The following PGM2L1 variants were observed in gnomAD, a reference collection of about 807,000 sequenced individuals.
The protein encoded by PGM2L1 is glucose 1,6-bisphosphate synthase.
PGM2L1 carries 35 observed loss-of-function variants against 73.4 expected under a neutral mutation model. That is an observed-to-expected ratio of 0.48 (90% CI 0.36 to 0.63). The LOEUF is 0.63. PGM2L1 is among the 30% of genes least tolerant of loss of function. The pLI is 0.00. For missense variants in PGM2L1, 570 were observed against 742.0 expected, an observed-to-expected ratio of 0.77 and a Z score of 2.69; for synonymous variants, 225 against 253.8, an observed-to-expected ratio of 0.89 and a Z score of 1.08.
chr11:74,338,719 C>T (rs1352636716), intron 12 of PGM2L1, 118 bp from the exon 13 acceptor site: 1 of 1,263,178 alleles, frequency 7.9e-7, no homozygotes, highest in Non-Finnish European at 1.1e-6. Context: ...GTCAAATTTA[C>T]AGAAATAGAA....
rs535526031 is a variant in PGM2L1 at position 74,353,182 on chromosome 11, T to G, written c.556-1606A>C. On this transcript the variant is annotated intron_variant, in intron 5 of 13. Transcript: ENST00000298198. ...CAAACAAAAAACCCAGAATGTTTTT[T>G]TGTGTGTGTGTGTGTTGTATTGAAT... Among the ~76,000 whole-genome samples the G allele has an allele frequency of 1.9e-3, 285 of 151,696 alleles. 3 individuals carry two copies. The highest frequency in any genetic ancestry group is 1.6e-3 in the African/African-American group (65 of 41,456).
At chr11:74,396,266 TAAAAA>T (rs141051355) in intron 1 of PGM2L1, among the ~76,000 whole-genome samples, 1 of 139,586 alleles carries the variant, frequency 7.2e-6, no homozygotes. Context: ...AGACCCTGTT[TAAAAA>T]AAAAAAAAAA....
intron 2 of PGM2L1, among the ~76,000 whole-genome samples, chr11:74,372,310 A>G (rs936434297): frequency 6.6e-6 from 1 of 152,196 alleles, no homozygotes; most frequent in Non-Finnish European, 1.5e-5. Context: ...TCACTAGAAC[A>G]TTTCTTATGA....
intron 5 of PGM2L1, chr11:74,355,326 G>C (rs1303712954): frequency 1.4e-6 from 1 of 737,982 alleles, no homozygotes; most frequent in African/African-American, 1.7e-5. Context: ...GGCTGAGGTG[G>C]GTGGATCACC....
intron 1 of PGM2L1, among the ~76,000 whole-genome samples, chr11:74,396,500 C>T: frequency 6.6e-6 from 1 of 152,002 alleles, no homozygotes; most frequent in Non-Finnish European, 1.5e-5. Flanking sequence ...CTGCAAGCTC[C>T]GCCTCCCGGG....
Position 74,374,501 on chromosome 11 carries a change from T to C in PGM2L1, c.193A>G (p.Met65Val). 2 of 1,614,166 alleles carry C rather than the reference T, an allele frequency of 1.2e-6. No individual in the cohort carries two copies. Among genetic ancestry groups the C allele is most frequent in the Non-Finnish European group, 1.7e-6 (2 of 1,179,998 alleles). The part of the protein sequence containing the change: ...KELRDRLCCR[M>V]TFGTAGLRSA... ...CGAAGTCCTGCAGTCCCAAAAGTCA[T>C]TCGGCAACAAAGACGATCTCGCAGC... The change falls in exon 2 of 14, where the codon ATG becomes GTG. Residue 65 changes from methionine (M) to valine (V), a missense_variant. Physicochemically the swap from Met to Val is conservative, Grantham distance 21. Transcript: ENST00000298198.
chr11:74,343,261 T>A, intron 10 of PGM2L1, 62 bp downstream of exon 10: 1 of 1,508,328 alleles, frequency 6.6e-7, no homozygotes, highest in Non-Finnish European at 8.8e-7. Context: ...AAACTCCTCC[T>A]ACAGAATTAC....
chr11:74,343,465 C>A, intron 9 of PGM2L1, 49 bp from the exon 10 acceptor site: 1 of 1,581,640 alleles, frequency 6.3e-7, no homozygotes, highest in Admixed American at 2.0e-5. Context: ...CTCACAAATA[C>A]CTATTAGAGA....
chr11:74,356,715 G>A (rs1325591684), intron 5 of PGM2L1, among the ~76,000 whole-genome samples: 8 of 152,140 alleles, frequency 5.3e-5, no homozygotes, highest in Non-Finnish European at 1.0e-4. Flanking sequence ...CATATGAAGA[G>A]TTCCCATAAA....
At chr11:74,398,027 T>C in intron 1 of PGM2L1, 24 bp downstream of exon 1, 2 of 1,582,228 alleles carry the variant, frequency 1.3e-6, no homozygotes, top group South Asian at 1.2e-5. Context: ...GCGACGGCGT[T>C]TGCCGGGCTG....
chr11:74,356,530 G>A (rs770459102), intron 5 of PGM2L1, among the ~76,000 whole-genome samples: 6 of 151,962 alleles, frequency 3.9e-5, no homozygotes, highest in Non-Finnish European at 8.8e-5. Context: ...TTAAAATATC[G>A]AGCCTCTCTA....
intron 1 of PGM2L1, among the ~76,000 whole-genome samples, chr11:74,376,985 ACTAT>A (rs556341543): frequency 3.2e-4 from 49 of 152,100 alleles, no homozygotes; most frequent in Admixed American, 2.9e-3. Context: ...AACCTAAAAA[ACTAT>A]CTATGCAGCC....
In PGM2L1 at chr11:74,390,443, T is replaced by C. The variant is rs1863084234; in HGVS notation, c.111+7608A>G. ...CAGCTAATTTGTTTTAATCACTGAA[T>C]AATATTTGATATGCAACAGTTTGCT... On this transcript the variant is annotated intron_variant, in intron 1 of 13. Coordinates refer to ENST00000298198, the MANE Select transcript of PGM2L1 (RefSeq NM_173582.6). Among the ~76,000 whole-genome samples, 3 of 152,246 alleles carry C rather than the reference T, an allele frequency of 2.0e-5. No individual in the cohort carries two copies. The South Asian group carries it at 6.2e-4, about 31-fold the overall frequency.
At chr11:74,370,101 T>C (rs980643863) in intron 4 of PGM2L1, among the ~76,000 whole-genome samples, 1 of 152,238 alleles carries the variant, frequency 6.6e-6, no homozygotes, top group African/African-American at 2.4e-5. Flanking sequence ...CAATGTTTCT[T>C]AACGTTTTAA....
chr11:74,343,481 C>T (rs578411), intron 9 of PGM2L1, 65 bp from the exon 10 acceptor site: 1 of 1,572,346 alleles, frequency 6.4e-7, no homozygotes, highest in South Asian at 1.2e-5. Flanking sequence ...AGAGAAAAAT[C>T]TGCCACTACA....
At chr11:74,377,174 A>G (rs1031335351) in intron 1 of PGM2L1, among the ~76,000 whole-genome samples, 8 of 149,452 alleles carry the variant, frequency 5.4e-5, no homozygotes, top group Non-Finnish European at 1.0e-4. Context: ...TCGCTCTGTC[A>G]CCCAGGCTGG....
intron 1 of PGM2L1, among the ~76,000 whole-genome samples, chr11:74,382,129 G>A (rs1862956896): frequency 6.6e-6 from 1 of 152,186 alleles, no homozygotes; most frequent in Non-Finnish European, 1.5e-5. Context: ...GAGAATGAGA[G>A]TGTATTTATT....
chr11:74,365,111 G>C (rs1051640209), intron 5 of PGM2L1, among the ~76,000 whole-genome samples: 176 of 149,610 alleles, frequency 1.2e-3, no homozygotes, highest in African/African-American at 4.1e-3. Flanking sequence ...ACAAGAAATG[G>C]GGAAAGGATT....
chr11:74,394,210 T>A (rs547818485), intron 1 of PGM2L1, among the ~76,000 whole-genome samples: 62 of 152,352 alleles, frequency 4.1e-4, no homozygotes, highest in African/African-American at 1.5e-3. Flanking sequence ...TTTGATTTCA[T>A]GACCACCAAA....
Sources: gnomAD v4.1 joint callset for allele counts (sites outside exome capture counted in the v4.1 genomes callset) on GRCh38, gnomAD v4.1.1 for gene constraint, MANE v1.5 for transcripts, NCBI Gene and HGNC (gene_info 2026-07-23, HGNC 2026-07-21) for gene names.